Variants in MYO3A observed in about 807,000 individuals in gnomAD.
MYO3A encodes the protein myosin-IIIa.
In MYO3A, 180 loss-of-function variants were observed where a neutral mutation model predicts 192.7. The observed-to-expected ratio is 0.93, with a 90% CI of 0.83 to 1.06. The LOEUF (loss-of-function observed/expected upper bound fraction) is 1.06, where lower values mean the gene tolerates loss of function less well. Ranked by LOEUF, MYO3A falls within the 50% of genes least tolerant of loss-of-function variation. MYO3A has a pLI of 0.00. For missense variants in MYO3A, 1,896 were observed against 1,905.0 expected, an observed-to-expected ratio of 1.00 and a Z score of 0.09; for synonymous variants, 628 against 645.3, an observed-to-expected ratio of 0.97 and a Z score of 0.41.
At chr10:25,995,903 G>C (rs554255395) in intron 4 of MYO3A, among the ~76,000 whole-genome samples, 1 of 152,358 alleles carries the variant, frequency 6.6e-6, no homozygotes, top group Admixed American at 6.5e-5. Context: ...TGAGGTGTCA[G>C]TCTGCCCCTA....
rs763282313 is a variant in MYO3A, at chr10:26,174,215, C to T, written c.3951C>T (p.Cys1317=). 1.2e-6 allele frequency: 2 copies of T among 1,614,156 alleles called. No homozygotes were observed. Among genetic ancestry groups the T allele is most frequent in the South Asian group, 1.1e-5 (1 of 91,064 alleles). The part of the protein sequence containing the change: ...TSVVTQRAPI[C]SQEEGRGRLR... ...TAGTTACCCAGCGTGCACCGATATG[C>T]AGCCAGGAGGAAGGCAGAGGCCGTC... The change falls in exon 30 of 35, where the codon TGC becomes TGT. Residue 1317 remains cysteine, a synonymous_variant. Transcript: ENST00000642920.
chr10:26,145,263 G>C lies in MYO3A; in HGVS notation c.2417-183G>C, dbSNP rs576243076. On this transcript the variant is annotated intron_variant, in intron 21 of 34. Transcript: ENST00000642920. ...TGATGCCCTAAATCGTAATGTAATG[G>C]TGGAAATTAATGATCTTGAGTTTTA... is the stretch of plus-strand genomic sequence containing the variant. Among the ~76,000 whole-genome samples the C allele has an allele frequency of 1.3e-3, 198 of 151,594 alleles. 2 individuals carry two copies. The highest frequency in any genetic ancestry group is 2.3e-3 in the Admixed American group (35 of 15,242).
intron 17 of MYO3A, among the ~76,000 whole-genome samples, chr10:26,102,525 T>G (rs1464291688): frequency 6.6e-6 from 1 of 152,190 alleles, no homozygotes; most frequent in Non-Finnish European, 1.5e-5. Context: ...CTCCCCATCT[T>G]TGTGGTTTTA....
chr10:25,972,705 A>G (rs942558136), intron 4 of MYO3A, among the ~76,000 whole-genome samples: 3 of 152,154 alleles, frequency 2.0e-5, no homozygotes, highest in Non-Finnish European at 4.4e-5. Flanking sequence ...CTTAGGGCAT[A>G]TGTACAATCA....
intron 4 of MYO3A, among the ~76,000 whole-genome samples, chr10:25,988,308 T>C (rs904136261): frequency 6.6e-6 from 1 of 152,118 alleles, no homozygotes; most frequent in Admixed American, 6.5e-5. Context: ...AAATCACCAC[T>C]AAAGAACTTA....
chr10:26,117,972 G>A (rs1056999591), intron 17 of MYO3A, among the ~76,000 whole-genome samples: 3 of 152,120 alleles, frequency 2.0e-5, no homozygotes, highest in African/African-American at 2.4e-5. Flanking sequence ...GTGTAGGAGC[G>A]TTCCTTTTTC....
intron 8 of MYO3A, 45 bp from the exon 9 acceptor site, chr10:26,023,977 G>A: frequency 6.5e-7 from 1 of 1,547,914 alleles, no homozygotes; most frequent in Non-Finnish European, 8.9e-7. Flanking sequence ...ATTTTACACT[G>A]ACTGACCAAT....
intron 31 of MYO3A, among the ~76,000 whole-genome samples, chr10:26,180,379 G>A (rs902792201): frequency 3.4e-4 from 52 of 152,070 alleles, no homozygotes; most frequent in African/African-American, 2.2e-4. Context: ...TGAAGAATAC[G>A]TTTCTTAATT....
At position 26,212,433 on chromosome 10, in the gene MYO3A, G is replaced by C. The variant is rs1038807679; in HGVS notation, c.*470G>C. ...GAATCTTAGAGAAAAAAGCCCGGGA[G>C]GGGTGGGGAGAATTTCGAAGATGTA... On this transcript the variant is annotated 3_prime_UTR_variant, in exon 35 of 35. Coordinates refer to ENST00000642920, the MANE Select transcript of MYO3A (RefSeq NM_017433.5). The C allele has an allele frequency of 4.0e-6, 1 of 249,154 alleles. No homozygotes were observed. Among genetic ancestry groups the C allele is most frequent in the African/African-American group, 2.2e-5 (1 of 45,186 alleles). 15.4% of individuals were successfully genotyped at this position (249,154 alleles called of 1,614,324 possible).
At position 26,154,515 on chromosome 10, in the gene MYO3A, A is replaced by G. The variant is rs78372382; in HGVS notation, c.2716-231A>G. The stretch of plus-strand genomic sequence containing the variant: ...TAGTTTTAAATGTTACACTAAGACC[A>G]ACTAAAAATGTACTAGTGAAGATGA... On this transcript the variant is annotated intron_variant, in intron 24 of 34. Coordinates refer to ENST00000642920, the MANE Select transcript of MYO3A (RefSeq NM_017433.5). 9.1e-3 allele frequency among the ~76,000 whole-genome samples: 1,384 copies of G among 152,328 alleles called. 32 individuals are homozygous for G. The highest frequency in any genetic ancestry group is 0.032 in the African/African-American group (1,330 of 41,574).
chr10:26,075,843 G>A lies in MYO3A; in HGVS notation c.1359+5442G>A, dbSNP rs12766400. Among the ~76,000 whole-genome samples the A allele has an allele frequency of 3.4e-3, 500 of 148,190 alleles. 12 individuals carry two copies. The East Asian group carries it at 0.091, about 27-fold the overall frequency. On this transcript the variant is annotated intron_variant, in intron 14 of 34. Coordinates refer to ENST00000642920, the MANE Select transcript of MYO3A (RefSeq NM_017433.5). ...TCTCTCATATATATGATATATATGT[G>A]TCTCTCTCATATATATCTATATGTA...
chr10:26,136,665 C>T (rs942587458), intron 20 of MYO3A, among the ~76,000 whole-genome samples: 3 of 152,140 alleles, frequency 2.0e-5, no homozygotes, highest in Admixed American at 2.0e-4. Context: ...TGTAGTCAGC[C>T]TACTTAAGCA....
At chr10:26,027,207 G>A (rs368522511) in intron 10 of MYO3A, among the ~76,000 whole-genome samples, 1 of 151,848 alleles carries the variant, frequency 6.6e-6, no homozygotes, top group Non-Finnish European at 1.5e-5. Context: ...AAATATCTTC[G>A]TACATCCTAT....
intron 31 of MYO3A, among the ~76,000 whole-genome samples, chr10:26,182,469 T>C (rs1048768887): frequency 3.9e-5 from 6 of 152,224 alleles, no homozygotes; most frequent in Admixed American, 6.5e-5. Context: ...CTATGTGTTA[T>C]GAAGTATGAG....
chr10:26,053,168 A>G (rs1431586758), intron 10 of MYO3A, among the ~76,000 whole-genome samples: 2 of 150,722 alleles, frequency 1.3e-5, no homozygotes, highest in African/African-American at 2.4e-5. Context: ...AAAGTATAAA[A>G]TTATCTTGAA....
chr10:26,177,798 A>G (rs1317272583), intron 31 of MYO3A, among the ~76,000 whole-genome samples: 3 of 152,240 alleles, frequency 2.0e-5, no homozygotes, highest in Admixed American at 6.5e-5. Flanking sequence ...CACTGACCTC[A>G]TGCAACTTCT....
chr10:26,170,565 G>A lies in MYO3A; in HGVS notation c.3398+26G>A, dbSNP rs562481124. The A allele has an allele frequency of 7.8e-5, 125 of 1,593,442 alleles. No homozygotes were observed. The South Asian group carries it at 9.5e-4, about 12-fold the overall frequency. Reference sequence around the variant, plus strand: ...GTATAATGATGTTCATTCTTATACCGTTGTAACATATAGATTTTTCAGATC... The same window carrying A: ...GTATAATGATGTTCATTCTTATACCATTGTAACATATAGATTTTTCAGATC... On this transcript the variant is annotated intron_variant, in intron 29 of 34. Coordinates refer to ENST00000642920, the MANE Select transcript of MYO3A (RefSeq NM_017433.5).
intron 20 of MYO3A, among the ~76,000 whole-genome samples, chr10:26,139,009 A>C (rs922115212): frequency 6.6e-6 from 1 of 152,208 alleles, no homozygotes; most frequent in South Asian, 2.1e-4. Flanking sequence ...CAACATCACA[A>C]CAACTGATGC....
intron 19 of MYO3A, among the ~76,000 whole-genome samples, chr10:26,127,529 G>A (rs1283491773): frequency 6.6e-6 from 1 of 152,132 alleles, no homozygotes; most frequent in Non-Finnish European, 1.5e-5. Flanking sequence ...CCTGGATTTT[G>A]AATTCAGTTG....
Sources: allele counts gnomAD v4.1 joint callset (sites outside exome capture counted in the v4.1 genomes callset), GRCh38; gene constraint gnomAD v4.1.1; transcripts MANE v1.5; gene names NCBI Gene and HGNC (gene_info 2026-07-23, HGNC 2026-07-21).